MED27: variants seen among roughly 807,000 people sequenced by gnomAD.
MED27 encodes mediator of RNA polymerase II transcription subunit 27.
In MED27, 30 loss-of-function variants were observed where a neutral mutation model predicts 38.2. The observed-to-expected ratio is 0.79, with a 90% CI of 0.59 to 1.07. The LOEUF is 1.07. MED27 is among the 50% of genes least tolerant of loss of function. The probability of loss-of-function intolerance (pLI) is 0.00; values close to 1 mark genes in which losing one functional copy is unlikely to be tolerated. For missense variants in MED27, 289 were observed against 397.5 expected, an observed-to-expected ratio of 0.73 and a Z score of 2.32; for synonymous variants, 122 against 153.5, an observed-to-expected ratio of 0.79 and a Z score of 1.52.
chr9:131,963,100 A>T (rs1186521644), intron 3 of MED27, among the ~76,000 whole-genome samples: 1 of 152,188 alleles, frequency 6.6e-6, no homozygotes, highest in African/African-American at 2.4e-5. Flanking sequence ...ATTAAAGCAT[A>T]ATGTTCAGCT....
chr9:131,883,477 A>G lies in MED27; in HGVS notation c.723+581T>C, dbSNP rs983988680. Among the ~76,000 whole-genome samples, 2 of 152,070 alleles carry G rather than the reference A, an allele frequency of 1.3e-5. No individual in the cohort carries two copies. Among genetic ancestry groups the G allele is most frequent in the African/African-American group, 4.8e-5 (2 of 41,394 alleles). On this transcript the variant is annotated intron_variant, in intron 6 of 7. Coordinates refer to ENST00000292035, the MANE Select transcript of MED27 (RefSeq NM_004269.4). This position sits in a 1 kb window ranked among gnomAD's most constrained non-coding sequence, Gnocchi z 4.2. ...CATTTCGTCTGACATTTCCCATAAC[A>G]GTTTTTCATAAGGAAGCCCAATATC... is the stretch of plus-strand genomic sequence containing the variant.
rs1248703470 is a variant in MED27 at position 131,872,648 on chromosome 9, G to A, written c.724-9508C>T. On this transcript the variant is annotated intron_variant, in intron 6 of 7. Coordinates refer to ENST00000292035, the MANE Select transcript of MED27 (RefSeq NM_004269.4). This position sits in a 1 kb window ranked among gnomAD's most constrained non-coding sequence, Gnocchi z 5.6. ...TCTTCCCTGCTGGCCCTCGGTAGAA[G>A]AGCGTGGGGAGGCTGGGGTGGGGCT... is the stretch of plus-strand genomic sequence containing the variant. 6.6e-6 allele frequency among the ~76,000 whole-genome samples: 1 copy of A among 151,330 alleles called. No homozygotes were observed. Among genetic ancestry groups the A allele is most frequent in the Non-Finnish European group, 1.5e-5 (1 of 68,040 alleles).
chr9:131,992,082 G>A (rs754089366), intron 3 of MED27, among the ~76,000 whole-genome samples: 2 of 152,152 alleles, frequency 1.3e-5, no homozygotes, highest in Admixed American at 1.3e-4. Flanking sequence ...TTCACCTGGT[G>A]ACATCTGTTA....
chr9:131,878,680 G>A (rs950526355), intron 6 of MED27, among the ~76,000 whole-genome samples: 2 of 152,100 alleles, frequency 1.3e-5, no homozygotes, highest in African/African-American at 4.8e-5. Flanking sequence ...CTAAATTGCT[G>A]GATGAAAATG....
Position 132,002,248 on chromosome 9 carries a change from CA to C in MED27, c.479+12088del, listed in dbSNP as rs145957628. ...AATGTCCAGTTCTTTCCACACTAAC[CA>C]AAATTAGAGATTTAATGTCTCCGCA... On this transcript the variant is annotated intron_variant, in intron 3 of 7. Coordinates refer to ENST00000292035, the MANE Select transcript of MED27 (RefSeq NM_004269.4). Among the ~76,000 whole-genome samples, 798 of 152,296 alleles carry C rather than the reference CA, an allele frequency of 5.2e-3. 14 individuals carry two copies. Among genetic ancestry groups the C allele is most frequent in the African/African-American group, 0.018 (736 of 41,560 alleles).
chr9:131,926,589 G>A (rs1320889173), intron 4 of MED27, among the ~76,000 whole-genome samples: 1 of 152,316 alleles, frequency 6.6e-6, no homozygotes, highest in East Asian at 1.9e-4. Flanking sequence ...CACAAACTAC[G>A]CTGGTGACTC....
At chr9:131,866,686 G>A (rs1838741871) in intron 6 of MED27, among the ~76,000 whole-genome samples, 1 of 152,234 alleles carries the variant, frequency 6.6e-6, no homozygotes, top group Non-Finnish European at 1.5e-5. Flanking sequence ...ATGACAGAGT[G>A]CCTACCACAG....
chr9:131,939,367 C>G lies in MED27; in HGVS notation c.573+14G>C. The stretch of plus-strand genomic sequence containing the variant: ...TCCCCCAACATCCCTACAAATCAGT[C>G]AAGCTGATCTTACCAGAAGCATTGC... On this transcript the variant is annotated intron_variant, in intron 4 of 7. Coordinates refer to ENST00000292035, the MANE Select transcript of MED27 (RefSeq NM_004269.4). The G allele has an allele frequency of 1.3e-6, 2 of 1,580,098 alleles. No individual in the cohort carries two copies. The highest frequency in any genetic ancestry group is 1.7e-6 in the Non-Finnish European group (2 of 1,160,758).
rs1384969079 is a variant in MED27 at position 131,887,135 on chromosome 9, TTA to T, written c.682-3038_682-3037del. ...AAGAAGAATCTGCTACATTAAAAAGTTATAGTTTTTATTTAAAAGTTAAACAT... is the reference window on the plus strand; with the variant it reads ...AAGAAGAATCTGCTACATTAAAAAGTTAGTTTTTATTTAAAAGTTAAACAT... On this transcript the variant is annotated intron_variant, in intron 5 of 7. Coordinates refer to ENST00000292035, the MANE Select transcript of MED27 (RefSeq NM_004269.4). Among the ~76,000 whole-genome samples, 47 of 152,204 alleles carry T rather than the reference TTA, an allele frequency of 3.1e-4. 2 individuals carry two copies. Among genetic ancestry groups the T allele is most frequent in the Admixed American group, 3.1e-3 (47 of 15,278 alleles).
At chr9:132,064,197 T>C (rs1377897895) in intron 2 of MED27, among the ~76,000 whole-genome samples, 6 of 152,118 alleles carry the variant, frequency 3.9e-5, no homozygotes, top group Non-Finnish European at 8.8e-5. Flanking sequence ...ATTGGATGAC[T>C]GGATGAAGAG....
At position 132,051,012 on chromosome 9, in the gene MED27, T is replaced by C. The variant is rs1347454449; in HGVS notation, c.348+26430A>G. Among the ~76,000 whole-genome samples, 1 of 152,224 alleles carries C rather than the reference T, an allele frequency of 6.6e-6. No individual in the cohort carries two copies. The highest frequency in any genetic ancestry group is 1.5e-5 in the Non-Finnish European group (1 of 68,044). ...CAATCATCACTTGTCCAGGAAACCCTAGGCTCAACACATGCATCTATACAA... is the reference window on the plus strand; with the variant it reads ...CAATCATCACTTGTCCAGGAAACCCCAGGCTCAACACATGCATCTATACAA... On this transcript the variant is annotated intron_variant, in intron 2 of 7. Transcript: ENST00000292035. The surrounding 1 kb of genome is among the most constrained non-coding windows in gnomAD (Gnocchi z 4.2).
At chr9:132,031,223 T>C (rs1470149533) in intron 2 of MED27, among the ~76,000 whole-genome samples, 2 of 152,198 alleles carry the variant, frequency 1.3e-5, no homozygotes. Flanking sequence ...TAGGGACAGC[T>C]GAAAACAGGT....
chr9:131,971,263 A>C (rs924455261), intron 3 of MED27, among the ~76,000 whole-genome samples: 2 of 152,230 alleles, frequency 1.3e-5, no homozygotes, highest in Admixed American at 6.5e-5. Flanking sequence ...CACACTGTGA[A>C]GAGAGCACAG....
intron 4 of MED27, among the ~76,000 whole-genome samples, chr9:131,929,303 G>C (rs4425802): frequency 0.11 from 17,468 of 152,208 alleles, 1,220 homozygotes; most frequent in South Asian, 0.2. Flanking sequence ...AGCCGTGGTG[G>C]TTCTGGGGAG....
At chr9:131,867,527 T>C (rs1174743170) in intron 6 of MED27, among the ~76,000 whole-genome samples, 2 of 152,226 alleles carry the variant, frequency 1.3e-5, no homozygotes, top group South Asian at 4.1e-4. Context: ...TGGGCCACCA[T>C]GTTGGCCAGG....
chr9:132,033,911 A>C (rs1412262562), intron 2 of MED27, among the ~76,000 whole-genome samples: 2 of 152,188 alleles, frequency 1.3e-5, no homozygotes, highest in Non-Finnish European at 2.9e-5. Context: ...CCCTTCTTTA[A>C]AAATTTTATA....
At chr9:131,880,360 C>CAAG (rs1192304182) in intron 6 of MED27, among the ~76,000 whole-genome samples, 3 of 152,174 alleles carry the variant, frequency 2.0e-5, no homozygotes, top group African/African-American at 7.2e-5. Context: ...AGAGGACTCA[C>CAAG]TAATTTAATT....
chr9:131,928,226 C>A (rs1369739104), intron 4 of MED27, among the ~76,000 whole-genome samples: 1 of 152,128 alleles, frequency 6.6e-6, no homozygotes, highest in Non-Finnish European at 1.5e-5. Flanking sequence ...ATCACAACAC[C>A]TCCCTGCTCC....
At chr9:131,973,966 G>A (rs1209523927) in intron 3 of MED27, among the ~76,000 whole-genome samples, 1 of 151,770 alleles carries the variant, frequency 6.6e-6, no homozygotes, top group Non-Finnish European at 1.5e-5. Context: ...ACCCGCCTTG[G>A]CCTCCCAAAG....
Sources: allele counts gnomAD v4.1 joint callset (sites outside exome capture counted in the v4.1 genomes callset), GRCh38; gene constraint gnomAD v4.1.1; non-coding constraint Gnocchi (gnomAD v3.1); transcripts MANE v1.5; gene names NCBI Gene and HGNC (gene_info 2026-07-23, HGNC 2026-07-21).